The following DTNBP1 variants were observed in gnomAD, a reference collection of about 807,000 sequenced individuals.
DTNBP1 encodes the protein dysbindin.
A neutral mutation model predicts 42.8 loss-of-function variants in DTNBP1; 35 were observed. The observed-to-expected ratio is 0.82, with a 90% CI of 0.63 to 1.09. DTNBP1 has a LOEUF of 1.09. Among genes scored for constraint, DTNBP1 ranks in the 50% least tolerant of loss-of-function variants. The probability of loss-of-function intolerance (pLI) is 0.00; values close to 1 mark genes in which losing one functional copy is unlikely to be tolerated. For missense variants in DTNBP1, 457 were observed against 424.2 expected (o/e 1.08, Z -0.68); for synonymous variants, 171 against 162.2 (o/e 1.05, Z -0.41).
chr6:15,655,638 G>GT (rs775753373), intron 1 of DTNBP1, among the ~76,000 whole-genome samples: 1 of 75,564 alleles, frequency 1.3e-5, no homozygotes, highest in Non-Finnish European at 2.6e-5. Context: ...GTAAAACGAA[G>GT]TTAAAAAAAA....
intron 7 of DTNBP1, among the ~76,000 whole-genome samples, chr6:15,566,880 C>T (rs566945350): frequency 1.2e-4 from 19 of 152,064 alleles, no homozygotes; most frequent in Admixed American, 3.3e-4. Flanking sequence ...TTTGTACAGA[C>T]GGGGTTTCGC....
intron 7 of DTNBP1, among the ~76,000 whole-genome samples, chr6:15,556,926 T>C (rs1456198507): frequency 6.6e-6 from 1 of 152,228 alleles, no homozygotes; most frequent in Admixed American, 6.5e-5. Context: ...TTTAAGGTCA[T>C]AAACTGCTTC....
At chr6:15,577,112 C>T (rs963462689) in intron 7 of DTNBP1, among the ~76,000 whole-genome samples, 5 of 152,230 alleles carry the variant, frequency 3.3e-5, no homozygotes, top group African/African-American at 1.2e-4. Flanking sequence ...AGCCAGGCCA[C>T]CACCTACAGG....
chr6:15,539,914 C>T (rs1030029981), intron 7 of DTNBP1, among the ~76,000 whole-genome samples: 5 of 152,126 alleles, frequency 3.3e-5, no homozygotes, highest in African/African-American at 4.8e-5. Flanking sequence ...CATACAAGTG[C>T]GGTAAAAACA....
At chr6:15,535,644 T>C (rs1353902763) in intron 7 of DTNBP1, among the ~76,000 whole-genome samples, 2 of 152,174 alleles carry the variant, frequency 1.3e-5, no homozygotes, top group African/African-American at 4.8e-5. Context: ...GCAGTGTGAA[T>C]ATTGACTAAT....
chr6:15,658,081 A>G (rs1400563996), intron 1 of DTNBP1, among the ~76,000 whole-genome samples: 1 of 152,162 alleles, frequency 6.6e-6, no homozygotes, highest in Non-Finnish European at 1.5e-5. Context: ...GTGGACAGAG[A>G]CTGTTTTAGA....
chr6:15,566,855 C>T (rs1775114096), intron 7 of DTNBP1, among the ~76,000 whole-genome samples: 1 of 152,070 alleles, frequency 6.6e-6, no homozygotes, highest in South Asian at 2.1e-4. Context: ...CACCCACCAT[C>T]CTGCCTGGCT....
intron 6 of DTNBP1, among the ~76,000 whole-genome samples, chr6:15,600,158 C>T (rs1001350626): frequency 9.2e-5 from 14 of 152,218 alleles, no homozygotes; most frequent in African/African-American, 3.1e-4. Context: ...AGTCCATACA[C>T]GCAGAGAAGC....
At chr6:15,555,903 T>C (rs903536306) in intron 7 of DTNBP1, among the ~76,000 whole-genome samples, 2 of 152,170 alleles carry the variant, frequency 1.3e-5, no homozygotes, top group African/African-American at 2.4e-5. Context: ...GGGGTCTGGA[T>C]TGGGACCCAT....
At chr6:15,566,701 C>CTTTTTT (rs368168358) in intron 7 of DTNBP1, among the ~76,000 whole-genome samples, 1 of 132,978 alleles carries the variant, frequency 7.5e-6, no homozygotes, top group Non-Finnish European at 1.6e-5. Context: ...AATGAATCTC[C>CTTTTTT]TTTTTTTTTT....
At chr6:15,644,139 T>C (rs1170524578) in intron 3 of DTNBP1, among the ~76,000 whole-genome samples, 1 of 150,518 alleles carries the variant, frequency 6.6e-6, no homozygotes, top group Non-Finnish European at 1.5e-5. Flanking sequence ...TTGCTACTCT[T>C]GTATCAGATA....
chr6:15,608,160 C>T (rs1758182121), intron 6 of DTNBP1, among the ~76,000 whole-genome samples: 1 of 151,932 alleles, frequency 6.6e-6, no homozygotes, highest in Non-Finnish European at 1.5e-5. Flanking sequence ...TTAATTATTC[C>T]AATATCACAT....
At chr6:15,655,477 C>T (rs1030347234) in intron 1 of DTNBP1, among the ~76,000 whole-genome samples, 1 of 152,074 alleles carries the variant, frequency 6.6e-6, no homozygotes, top group African/African-American at 2.4e-5. Flanking sequence ...TCTTTTCTCA[C>T]CACTTCTTCT....
intron 6 of DTNBP1, among the ~76,000 whole-genome samples, chr6:15,613,877 T>C (rs114467061): frequency 6.6e-6 from 1 of 152,148 alleles, no homozygotes; most frequent in Non-Finnish European, 1.5e-5. Flanking sequence ...TCTCAAACTA[T>C]GGTCCACAGG....
intron 3 of DTNBP1, among the ~76,000 whole-genome samples, chr6:15,647,313 C>T (rs1760746264): frequency 1.3e-5 from 2 of 151,644 alleles, no homozygotes; most frequent in Admixed American, 1.3e-4. Context: ...CAATCTCATG[C>T]CAGTCAGATG....
chr6:15,588,238 G>A (rs1269619851), intron 7 of DTNBP1, among the ~76,000 whole-genome samples: 3 of 152,180 alleles, frequency 2.0e-5, no homozygotes, highest in Admixed American at 6.5e-5. Flanking sequence ...AGCAATGGCT[G>A]AATTCAAATC....
Position 15,523,143 on chromosome 6 carries a change from A to T in DTNBP1, c.888T>A (p.Pro296=), listed in dbSNP as rs1375858423. 4 of 1,614,254 alleles carry T rather than the reference A, an allele frequency of 2.5e-6. No individual in the cohort carries two copies. The highest frequency in any genetic ancestry group is 2.5e-6 in the Non-Finnish European group (3 of 1,180,044). ...AGTCGGTGCAGGTGGAGGAAGAAGAAGGTGGCTTGGCTCTTAATTCTGAGG... is the reference window on the plus strand; with the variant it reads ...AGTCGGTGCAGGTGGAGGAAGAAGATGGTGGCTTGGCTCTTAATTCTGAGG... ...PNPSELRAKP[P]SSSSTCTDSA... Residue 296 remains proline (P), a synonymous_variant, in exon 10 of 10, where the codon CCT becomes CCA. Transcript: ENST00000344537.
At chr6:15,620,457 G>C (rs1480124394) in intron 5 of DTNBP1, among the ~76,000 whole-genome samples, 3 of 152,028 alleles carry the variant, frequency 2.0e-5, no homozygotes, top group Non-Finnish European at 4.4e-5. Context: ...CAAAGTGCTG[G>C]AATTACAGGT....
chr6:15,659,548 T>A (rs1761475351), intron 1 of DTNBP1, among the ~76,000 whole-genome samples: 1 of 114,392 alleles, frequency 8.7e-6, no homozygotes, highest in South Asian at 3.5e-4. Context: ...AGAGATGGGG[T>A]TTCTTTCTTT....
Sources: allele counts gnomAD v4.1 joint callset (sites outside exome capture counted in the v4.1 genomes callset), GRCh38; gene constraint gnomAD v4.1.1; transcripts MANE v1.5; gene names NCBI Gene and HGNC (gene_info 2026-07-23, HGNC 2026-07-21).